Variants in ARHGAP39 observed in about 807,000 individuals in gnomAD.
ARHGAP39 encodes the protein rho GTPase-activating protein 39.
Under a neutral mutation model 106.9 loss-of-function variants are expected in ARHGAP39, and 44 were observed. That is an observed-to-expected ratio of 0.41 (90% CI 0.32 to 0.53). The LOEUF is 0.53. Among genes scored for constraint, ARHGAP39 ranks in the 20% least tolerant of loss-of-function variants. ARHGAP39 has a pLI of 0.21. For missense variants in ARHGAP39, 1,496 were observed against 1,577.3 expected (o/e 0.95, Z 0.87); for synonymous variants, 768 against 693.2 (o/e 1.11, Z -1.69).
At position 144,684,928 on chromosome 8, in the gene ARHGAP39, G is replaced by C. The variant is rs529718610; in HGVS notation, c.-82+758C>G. Among the ~76,000 whole-genome samples, 7 of 152,270 alleles carry C rather than the reference G, an allele frequency of 4.6e-5. No individual in the cohort carries two copies. The highest frequency in any genetic ancestry group is 9.6e-5 in the African/African-American group (4 of 41,580). On this transcript the variant is annotated intron_variant, in intron 1 of 11. Coordinates refer to ENST00000377307, the MANE Select transcript of ARHGAP39 (RefSeq NM_025251.3). This position sits in a 1 kb window ranked among gnomAD's most constrained non-coding sequence, Gnocchi z 4.4. ...CGGGGACAAAGCCCGAGGCTGCACC[G>C]CAGCGCACCGCAGCCCTGCACCCGG...
In ARHGAP39 at chr8:144,604,674, C is replaced by T. The variant is rs1009251366; in HGVS notation, c.80+861G>A. ...GGCAGAGAAAAGCTGTGGAATTCTT[C>T]CAGATTAAAAAAGGCCAAGGAGAGA... On this transcript the variant is annotated intron_variant, in intron 2 of 11. Transcript: ENST00000377307. This position sits in a 1 kb window ranked among gnomAD's most constrained non-coding sequence, Gnocchi z 4.1. 6.6e-6 allele frequency among the ~76,000 whole-genome samples: 1 copy of T among 152,052 alleles called. No individual in the cohort carries two copies. The highest frequency in any genetic ancestry group is 1.5e-5 in the Non-Finnish European group (1 of 68,024).
chr8:144,672,432 TTAAAG>T (rs757163410), intron 1 of ARHGAP39, among the ~76,000 whole-genome samples: 9 of 152,156 alleles, frequency 5.9e-5, no homozygotes, highest in Admixed American at 3.9e-4. Flanking sequence ...CTCTAGTAGT[TTAAAG>T]TAATAATCAA....
chr8:144,648,022 C>T (rs547524109), intron 1 of ARHGAP39, among the ~76,000 whole-genome samples: 5 of 152,322 alleles, frequency 3.3e-5, no homozygotes, highest in Admixed American at 3.3e-4. Flanking sequence ...GCCCTAAAAA[C>T]TCACTCCTGG....
intron 3 of ARHGAP39, among the ~76,000 whole-genome samples, chr8:144,557,623 G>A (rs373751657): frequency 5.8e-4 from 51 of 87,796 alleles, no homozygotes; most frequent in African/African-American, 1.9e-3. Context: ...CTGAACCTTC[G>A]TAGTATTCAG....
At chr8:144,598,696 T>C (rs1385287246) in intron 2 of ARHGAP39, among the ~76,000 whole-genome samples, 4 of 152,188 alleles carry the variant, frequency 2.6e-5, no homozygotes, top group Non-Finnish European at 5.9e-5. Context: ...TGTCAGCCCA[T>C]GAGCAGGTGC....
At chr8:144,637,590 C>A (rs955217693) in intron 1 of ARHGAP39, among the ~76,000 whole-genome samples, 2 of 152,218 alleles carry the variant, frequency 1.3e-5, no homozygotes. Context: ...AGCCTGGCAA[C>A]AGAGCGAGAC....
chr8:144,628,783 T>C (rs758945899), intron 1 of ARHGAP39, among the ~76,000 whole-genome samples: 7 of 152,148 alleles, frequency 4.6e-5, no homozygotes, highest in Non-Finnish European at 7.4e-5. Context: ...CCACCACCAG[T>C]TTGTAGGAAT....
chr8:144,699,262 G>A, the ARHGAP39 span: 1 of 74,642 alleles, frequency 1.3e-5, no homozygotes, highest in Non-Finnish European at 2.7e-5. Context: ...TGTAGGGGAT[G>A]GGTGGGGCAG....
chr8:144,545,255 T>G lies in ARHGAP39; in HGVS notation c.2515A>C (p.Thr839Pro). ...AGCCCGTGCATGGCCTTACCTTTAG[T>G]GTCATTGACGGGGTCCATGTGCCGG... ...IYRHMDPVND[T>P]KVTQHIKELL... The change falls in exon 6 of 12, where the codon ACT (threonine) becomes CCT (proline). Residue 839 changes from threonine (T) to proline (P), a missense_variant. By Grantham distance (38) the Thr-to-Pro change is conservative. Coordinates refer to ENST00000377307, the MANE Select transcript of ARHGAP39 (RefSeq NM_025251.3). 6.5e-7 allele frequency: 1 copy of G among 1,536,028 alleles called. No individual in the cohort carries two copies. Among genetic ancestry groups the G allele is most frequent in the Non-Finnish European group, 8.8e-7 (1 of 1,134,460 alleles).
chr8:144,582,054 C>T (rs1369860857), intron 2 of ARHGAP39, among the ~76,000 whole-genome samples: 1 of 152,034 alleles, frequency 6.6e-6, no homozygotes, highest in African/African-American at 2.4e-5. Flanking sequence ...GTTAGCCCTG[C>T]GACAGGCCTG....
chr8:144,665,366 G>A (rs2129702443), intron 1 of ARHGAP39, among the ~76,000 whole-genome samples: 1 of 152,366 alleles, frequency 6.6e-6, no homozygotes, highest in Non-Finnish European at 1.5e-5. Context: ...CATTTTCTGA[G>A]GAGAAATTCA....
intron 1 of ARHGAP39, among the ~76,000 whole-genome samples, chr8:144,658,256 T>C (rs1042912372): frequency 2.0e-5 from 3 of 151,400 alleles, no homozygotes; most frequent in Non-Finnish European, 4.4e-5. Context: ...ATTACAGGTG[T>C]CCACCACCAC....
chr8:144,628,953 C>T (rs1360558394), intron 1 of ARHGAP39, among the ~76,000 whole-genome samples: 3 of 152,208 alleles, frequency 2.0e-5, no homozygotes, highest in Admixed American at 6.5e-5. Context: ...CGGGAGGACG[C>T]GTGCGATTCT....
At chr8:144,595,008 C>T (rs1586590762) in intron 2 of ARHGAP39, among the ~76,000 whole-genome samples, 1 of 152,300 alleles carries the variant, frequency 6.6e-6, no homozygotes, top group African/African-American at 2.4e-5. Context: ...CACCTTCGCA[C>T]TCCAGCCTGA....
the ARHGAP39 span, among the ~76,000 whole-genome samples, chr8:144,698,434 A>G: frequency 6.6e-6 from 1 of 152,322 alleles, no homozygotes; most frequent in Admixed American, 6.5e-5. Flanking sequence ...ACAAGCTTAC[A>G]GACAGAAGGC....
At chr8:144,576,954 C>G (rs1015697011) in intron 3 of ARHGAP39, among the ~76,000 whole-genome samples, 1 of 152,346 alleles carries the variant, frequency 6.6e-6, no homozygotes, top group East Asian at 1.9e-4. Flanking sequence ...AGCAAACCAA[C>G]AGGTTTGTTT....
intron 2 of ARHGAP39, among the ~76,000 whole-genome samples, chr8:144,602,294 C>T (rs552295253): frequency 2.9e-5 from 3 of 103,276 alleles, no homozygotes; most frequent in African/African-American, 9.1e-5. Flanking sequence ...GGCGTGTGTG[C>T]TCGTGTACCT....
At chr8:144,621,519 G>T (rs1007914390) in intron 1 of ARHGAP39, among the ~76,000 whole-genome samples, 1 of 152,246 alleles carries the variant, frequency 6.6e-6, no homozygotes, top group Non-Finnish European at 1.5e-5. Context: ...GGCCTGGCAG[G>T]TGGGAGGAAG....
At chr8:144,664,443 C>T (rs1220592140) in intron 1 of ARHGAP39, among the ~76,000 whole-genome samples, 1 of 152,232 alleles carries the variant, frequency 6.6e-6, no homozygotes, top group Non-Finnish European at 1.5e-5. Context: ...AGGACTCTGC[C>T]ACTTCCTGCC....
Sources: gnomAD v4.1 joint callset for allele counts (sites outside exome capture counted in the v4.1 genomes callset) on GRCh38, gnomAD v4.1.1 for gene constraint, Gnocchi (gnomAD v3.1) non-coding constraint, MANE v1.5 for transcripts, NCBI Gene and HGNC (gene_info 2026-07-23, HGNC 2026-07-21) for gene names.